DLG2: variants seen among roughly 807,000 people sequenced by gnomAD.
DLG2 encodes disks large homolog 2.
In DLG2, 45 loss-of-function variants were observed where a neutral mutation model predicts 132.5. The observed-to-expected ratio is 0.34, with a 90% CI of 0.27 to 0.44. The LOEUF (loss-of-function observed/expected upper bound fraction) is 0.44, where lower values mean the gene tolerates loss of function less well. Among genes scored for constraint, DLG2 ranks in the 20% least tolerant of loss-of-function variants. The pLI, the probability that DLG2 is intolerant of heterozygous loss-of-function variation, is 1.00. For missense variants in DLG2, 1,045 were observed against 1,196.9 expected, an observed-to-expected ratio of 0.87 and a Z score of 1.87; for synonymous variants, 424 against 419.6, an observed-to-expected ratio of 1.01 and a Z score of -0.13.
At chr11:85,575,764 C>G (rs1467079051) in intron 3 of DLG2, among the ~76,000 whole-genome samples, 1 of 152,128 alleles carries the variant, frequency 6.6e-6, no homozygotes, top group African/African-American at 2.4e-5. Flanking sequence ...AGCAACTCTT[C>G]TTCTACTTTA....
chr11:83,989,817 A>C (rs1406791523), intron 11 of DLG2, among the ~76,000 whole-genome samples: 1 of 152,184 alleles, frequency 6.6e-6, no homozygotes, highest in Non-Finnish European at 1.5e-5. Flanking sequence ...TGAGTTCCTG[A>C]CTCAAATTGG....
chr11:84,477,559 C>T (rs1472866985), intron 7 of DLG2, among the ~76,000 whole-genome samples: 1 of 151,886 alleles, frequency 6.6e-6, no homozygotes, highest in Non-Finnish European at 1.5e-5. Flanking sequence ...GAAAACAATC[C>T]CAGAATGAGA....
rs557751180 is a variant in DLG2 at position 84,906,231 on chromosome 11, G to T, written c.357+205430C>A. Among the ~76,000 whole-genome samples, 288 of 116,320 alleles carry T rather than the reference G, an allele frequency of 2.5e-3. 10 individuals carry two copies. Among genetic ancestry groups the T allele is most frequent in the Admixed American group, 0.017 (208 of 11,942 alleles). 76.3% of individuals were successfully genotyped at this position (116,320 alleles called of 152,430 possible). On this transcript the variant is annotated intron_variant, in intron 6 of 27. Transcript: ENST00000376104. ...TGAACTAATATAAAAACAAGTTTTG[G>T]TTTTTTTGTTTTTTTTTTTTTTACA...
chr11:84,939,368 T>A (rs1478005698), intron 6 of DLG2, among the ~76,000 whole-genome samples: 1 of 152,204 alleles, frequency 6.6e-6, no homozygotes, highest in Admixed American at 6.5e-5. Flanking sequence ...AGGGTATCTA[T>A]CACCTCAAGG....
At chr11:85,169,758 T>C (rs1375104916) in intron 4 of DLG2, among the ~76,000 whole-genome samples, 1 of 152,196 alleles carries the variant, frequency 6.6e-6, no homozygotes, top group Non-Finnish European at 1.5e-5. Flanking sequence ...CCAAAGCAAT[T>C]ATGTTCCTTC....
intron 17 of DLG2, chr11:83,791,409 G>T: frequency 2.9e-6 from 2 of 683,510 alleles, no homozygotes; most frequent in Non-Finnish European, 5.3e-6. Flanking sequence ...CGTCTTTCCT[G>T]TTGATATCGC....
chr11:83,894,084 A>C (rs1329288122), intron 15 of DLG2, among the ~76,000 whole-genome samples: 4 of 152,208 alleles, frequency 2.6e-5, no homozygotes, highest in Non-Finnish European at 5.9e-5. Context: ...GGAAACAACC[A>C]ATGTATTCCA....
At chr11:84,536,100 G>C (rs927779766) in intron 6 of DLG2, among the ~76,000 whole-genome samples, 1 of 151,916 alleles carries the variant, frequency 6.6e-6, no homozygotes, top group Non-Finnish European at 1.5e-5. Flanking sequence ...ATACTTTCTG[G>C]GGCAAGGTAG....
Position 83,517,834 on chromosome 11 carries a change from C to T in DLG2, c.2193+14874G>A, listed in dbSNP as rs537583956. Among the ~76,000 whole-genome samples the T allele has an allele frequency of 1.8e-3, 276 of 152,292 alleles. 6 individuals are homozygous for T. The highest frequency in any genetic ancestry group is 3.9e-3 in the Admixed American group (59 of 15,294). On this transcript the variant is annotated intron_variant, in intron 21 of 27. Transcript: ENST00000376104. ...ATCAGCAGCAGAGGCTGCAGAACAG[C>T]GGATATTGGTGAACAGCAAATGTTG...
At chr11:84,955,954 G>T (rs1280773606) in intron 6 of DLG2, among the ~76,000 whole-genome samples, 1 of 152,080 alleles carries the variant, frequency 6.6e-6, no homozygotes, top group Non-Finnish European at 1.5e-5. Context: ...AAATTCTGAG[G>T]TTCCAAAACA....
intron 7 of DLG2, among the ~76,000 whole-genome samples, chr11:84,379,962 T>C (rs564038996): frequency 9.2e-5 from 14 of 151,842 alleles, no homozygotes; most frequent in South Asian, 2.1e-4. Context: ...AAAGGAAAGG[T>C]AGATTACCTA....
chr11:83,992,944 G>T (rs2093806531), intron 11 of DLG2, among the ~76,000 whole-genome samples: 2 of 152,124 alleles, frequency 1.3e-5, no homozygotes, highest in Non-Finnish European at 2.9e-5. Context: ...GAAAATGGAA[G>T]ATATAATTGC....
intron 7 of DLG2, among the ~76,000 whole-genome samples, chr11:84,441,893 G>T (rs7119944): frequency 1.3e-5 from 2 of 152,086 alleles, no homozygotes; most frequent in Non-Finnish European, 2.9e-5. Flanking sequence ...CCCATTGCTT[G>T]TTTTTGTCAG....
intron 19 of DLG2, among the ~76,000 whole-genome samples, chr11:83,629,085 T>C (rs890825533): frequency 5.3e-5 from 8 of 152,172 alleles, no homozygotes; most frequent in African/African-American, 1.7e-4. Context: ...AAAAATTACT[T>C]AGATATCTTT....
intron 3 of DLG2, among the ~76,000 whole-genome samples, chr11:85,440,546 A>C (rs1177375766): frequency 6.6e-6 from 1 of 152,198 alleles, no homozygotes; most frequent in Admixed American, 6.5e-5. Context: ...GAAGCTTTGC[A>C]CCAAAGTATA....
At chr11:85,411,676 C>T (rs2089323156) in intron 3 of DLG2, among the ~76,000 whole-genome samples, 1 of 151,768 alleles carries the variant, frequency 6.6e-6, no homozygotes, top group South Asian at 2.1e-4. Context: ...ACAGATAGAT[C>T]TGTAAAATGA....
intron 6 of DLG2, among the ~76,000 whole-genome samples, chr11:84,726,900 T>C (rs2062540744): frequency 6.6e-6 from 1 of 152,236 alleles, no homozygotes; most frequent in African/African-American, 2.4e-5. Context: ...ATAAATGTCT[T>C]CTTTTGAGAA....
intron 16 of DLG2, among the ~76,000 whole-genome samples, chr11:83,844,547 C>CAAAAAAAAAAAAAAA (rs59755957): frequency 1.4e-5 from 1 of 70,650 alleles, no homozygotes. Flanking sequence ...GAGTCTGTAT[C>CAAAAAAAAAAAAAAA]AAAAAAAAAA....
intron 6 of DLG2, among the ~76,000 whole-genome samples, chr11:85,009,668 C>T (rs2058986279): frequency 1.3e-5 from 2 of 151,960 alleles, no homozygotes; most frequent in South Asian, 2.1e-4. Context: ...ATTACTAATA[C>T]TTATTGGATG....
Sources: allele counts gnomAD v4.1 joint callset (sites outside exome capture counted in the v4.1 genomes callset), GRCh38; gene constraint gnomAD v4.1.1; transcripts MANE v1.5; gene names NCBI Gene and HGNC (gene_info 2026-07-23, HGNC 2026-07-21).